Variants in CHCHD6 observed in about 807,000 individuals in gnomAD.
The protein encoded by CHCHD6 is coiled-coil-helix-coiled-coil-helix domain containing 6.
A neutral mutation model predicts 32.3 loss-of-function variants in CHCHD6; 28 were observed. The ratio of observed to expected loss-of-function variants is 0.87; its 90% CI spans 0.64 to 1.19. The LOEUF is 1.19. Ranked by LOEUF, CHCHD6 falls within the 50% of genes most tolerant of loss-of-function variation. The pLI, the probability that CHCHD6 is intolerant of heterozygous loss-of-function variation, is 0.00. For missense variants in CHCHD6, 333 were observed against 307.0 expected, an observed-to-expected ratio of 1.08 and a Z score of -0.63; for synonymous variants, 122 against 117.5, an observed-to-expected ratio of 1.04 and a Z score of -0.25.
At position 126,851,743 on chromosome 3, in the gene CHCHD6, C is replaced by T. The variant is rs75770194; in HGVS notation, c.412-904C>T. Among the ~76,000 whole-genome samples the T allele has an allele frequency of 4.1e-3, 617 of 152,344 alleles. 8 individuals carry two copies. In the East Asian group the frequency reaches 0.055, roughly 14 times the overall value. On this transcript the variant is annotated intron_variant, in intron 4 of 7. Coordinates refer to ENST00000290913, the MANE Select transcript of CHCHD6 (RefSeq NM_032343.3). ...TGACGGGACTTACATCCCTGCCTTG[C>T]CGTGTGCTGGTGACCCTTTATGGAG... is the stretch of plus-strand genomic sequence containing the variant.
At chr3:126,712,948 C>A (rs1023658411) in intron 1 of CHCHD6, among the ~76,000 whole-genome samples, 2 of 152,220 alleles carry the variant, frequency 1.3e-5, no homozygotes, top group Non-Finnish European at 2.9e-5. Flanking sequence ...TCCAGTCCTT[C>A]ATCCGGAAAG....
At chr3:126,801,278 C>T (rs372196111) in intron 4 of CHCHD6, among the ~76,000 whole-genome samples, 27 of 152,320 alleles carry the variant, frequency 1.8e-4, no homozygotes, top group East Asian at 7.7e-4. Flanking sequence ...ACTCAGGAAG[C>T]GCAAGGGGTC....
intron 4 of CHCHD6, among the ~76,000 whole-genome samples, chr3:126,778,926 A>T (rs1261229389): frequency 3.8e-5 from 5 of 133,148 alleles, no homozygotes; most frequent in Admixed American, 7.6e-5. Context: ...GGCTCATTAA[A>T]TTTTTTTTTT....
At chr3:126,938,010 G>T (rs1345213564) in intron 6 of CHCHD6, among the ~76,000 whole-genome samples, 1 of 152,188 alleles carries the variant, frequency 6.6e-6, no homozygotes, top group Non-Finnish European at 1.5e-5. Context: ...ATGCGCAGAG[G>T]ACAAGCTACA....
chr3:126,791,802 G>A (rs886466265), intron 4 of CHCHD6, among the ~76,000 whole-genome samples: 3 of 152,110 alleles, frequency 2.0e-5, no homozygotes, highest in African/African-American at 7.2e-5. Context: ...GTAGAGACAG[G>A]GTTTCACCAT....
chr3:126,869,259 A>G (rs138215967), intron 5 of CHCHD6, among the ~76,000 whole-genome samples: 54 of 141,516 alleles, frequency 3.8e-4, no homozygotes, highest in Non-Finnish European at 6.8e-4. Flanking sequence ...ACGACTTTGC[A>G]TTATCAGGTC....
At chr3:126,887,272 A>G (rs1012398804) in intron 5 of CHCHD6, among the ~76,000 whole-genome samples, 1 of 151,690 alleles carries the variant, frequency 6.6e-6, no homozygotes, top group Non-Finnish European at 1.5e-5. Context: ...TTTAATCTAT[A>G]GAGTGGGGCT....
At chr3:126,945,663 C>T (rs1415301472) in intron 6 of CHCHD6, among the ~76,000 whole-genome samples, 20 of 64,914 alleles carry the variant, frequency 3.1e-4, no homozygotes, top group African/African-American at 1.2e-3. Flanking sequence ...GAGACTCAAG[C>T]GGGGAGACTT....
chr3:126,711,829 T>G (rs1057076993), intron 1 of CHCHD6, among the ~76,000 whole-genome samples: 2 of 152,164 alleles, frequency 1.3e-5, no homozygotes, highest in African/African-American at 4.8e-5. Context: ...GCAGCCAACT[T>G]CTCTGCTGCT....
intron 5 of CHCHD6, among the ~76,000 whole-genome samples, chr3:126,901,677 C>T (rs749818458): frequency 1.3e-5 from 2 of 152,202 alleles, no homozygotes; most frequent in Non-Finnish European, 2.9e-5. Context: ...CATTCTGGAA[C>T]GTAGATCAGT....
At chr3:126,798,602 C>G (rs1938911259) in intron 4 of CHCHD6, among the ~76,000 whole-genome samples, 1 of 21,318 alleles carries the variant, frequency 4.7e-5, no homozygotes, top group South Asian at 2.2e-3. Flanking sequence ...CAGGGTGCCC[C>G]CGCTCTGTGG....
chr3:126,871,659 A>C (rs1470216649), intron 5 of CHCHD6, among the ~76,000 whole-genome samples: 32 of 131,804 alleles, frequency 2.4e-4, no homozygotes, highest in Middle Eastern at 4.0e-3. Context: ...CCGACCCCCC[A>C]ACTTTTTTTT....
intron 5 of CHCHD6, among the ~76,000 whole-genome samples, chr3:126,873,148 G>C (rs1019629038): frequency 1.3e-5 from 2 of 152,188 alleles, no homozygotes; most frequent in African/African-American, 4.8e-5. Flanking sequence ...AGTGTTTTCA[G>C]ATATTCAAAG....
intron 6 of CHCHD6, among the ~76,000 whole-genome samples, chr3:126,940,287 C>T (rs149365254): frequency 1.1e-4 from 16 of 152,300 alleles, no homozygotes; most frequent in African/African-American, 3.8e-4. Flanking sequence ...TAAATGAGAC[C>T]ATGAGTTTGT....
chr3:126,894,044 G>A lies in CHCHD6; in HGVS notation c.496-20636G>A, dbSNP rs554871737. On this transcript the variant is annotated intron_variant, in intron 5 of 7. Coordinates refer to ENST00000290913, the MANE Select transcript of CHCHD6 (RefSeq NM_032343.3). ...GCCAGTTAGGAAGCTGCACTTGGCT[G>A]TTACCTAGTTAGGTTTTTGTGTTTT... Among the ~76,000 whole-genome samples, 7 of 152,380 alleles carry A rather than the reference G, an allele frequency of 4.6e-5. No individual in the cohort carries two copies. In the South Asian group the frequency reaches 1.0e-3, roughly 23 times the overall value.
chr3:126,732,925 T>C (rs1576350014), intron 3 of CHCHD6, among the ~76,000 whole-genome samples, 153 bp from the exon 4 acceptor site: 1 of 152,194 alleles, frequency 6.6e-6, no homozygotes, highest in Non-Finnish European at 1.5e-5. Context: ...TGATGGGGCA[T>C]GCGGTTTCAC....
At chr3:126,749,695 C>A in intron 4 of CHCHD6, among the ~76,000 whole-genome samples, 1 of 152,240 alleles carries the variant, frequency 6.6e-6, no homozygotes, top group East Asian at 1.9e-4. Flanking sequence ...CTCTTCAGTT[C>A]CTGACCAGTG....
At chr3:126,722,098 C>A (rs1232432911) in intron 1 of CHCHD6, among the ~76,000 whole-genome samples, 1 of 152,126 alleles carries the variant, frequency 6.6e-6, no homozygotes, top group Non-Finnish European at 1.5e-5. Flanking sequence ...AGTGGAATTG[C>A]CATATCAAGT....
At chr3:126,705,910 G>C (rs902927570) in intron 1 of CHCHD6, among the ~76,000 whole-genome samples, 11 of 152,204 alleles carry the variant, frequency 7.2e-5, no homozygotes, top group African/African-American at 2.7e-4. Context: ...CGCACAGAGA[G>C]AGTGCTTTGT....
Sources: allele counts gnomAD v4.1 joint callset (sites outside exome capture counted in the v4.1 genomes callset), GRCh38; gene constraint gnomAD v4.1.1; transcripts MANE v1.5; gene names NCBI Gene and HGNC (gene_info 2026-07-23, HGNC 2026-07-21).